Variants in POT1 observed in about 807,000 individuals in gnomAD.
POT1 encodes protection of telomeres 1.
Under a neutral mutation model 78.5 loss-of-function variants are expected in POT1, and 47 were observed. The ratio of observed to expected loss-of-function variants is 0.60; its 90% CI spans 0.47 to 0.76. The LOEUF (loss-of-function observed/expected upper bound fraction) is 0.76. Among genes scored for constraint, POT1 ranks in the 30% least tolerant of loss-of-function variants. The probability of loss-of-function intolerance (pLI) is 0.00; values close to 1 mark genes in which losing one functional copy is unlikely to be tolerated. For missense variants in POT1, 646 were observed against 749.9 expected, an observed-to-expected ratio of 0.86 and a Z score of 1.62; for synonymous variants, 259 against 260.7, an observed-to-expected ratio of 0.99 and a Z score of 0.06.
At position 124,881,744 on chromosome 7, in the gene POT1, C is replaced by T. The variant is rs970233063; in HGVS notation, c.124+10522G>A. Reference sequence around the variant, plus strand: ...GCCTTATTTTTTGCTCTTTCCCAAACGAAGGTACAAAGCTAAAGGTAATTT... The same window carrying T: ...GCCTTATTTTTTGCTCTTTCCCAAATGAAGGTACAAAGCTAAAGGTAATTT... On this transcript the variant is annotated intron_variant, in intron 6 of 18. Transcript: ENST00000357628. Among the ~76,000 whole-genome samples the T allele has an allele frequency of 7.2e-5, 11 of 152,032 alleles. No individual in the cohort carries two copies. In the South Asian group the frequency reaches 1.2e-3, roughly 17 times the overall value.
At chr7:124,897,916 G>A (rs1451584096) in intron 4 of POT1, among the ~76,000 whole-genome samples, 3 of 151,840 alleles carry the variant, frequency 2.0e-5, no homozygotes, top group African/African-American at 7.3e-5. Flanking sequence ...GAAAAAATCC[G>A]TTTTACCTAA....
chr7:124,920,565 A>C (rs1461098847), intron 2 of POT1, among the ~76,000 whole-genome samples: 1 of 152,206 alleles, frequency 6.6e-6, no homozygotes, highest in Non-Finnish European at 1.5e-5. Flanking sequence ...CCATTTAATA[A>C]AATTCAAAAA....
intron 6 of POT1, among the ~76,000 whole-genome samples, chr7:124,890,547 T>C (rs1461100124): frequency 2.0e-5 from 3 of 151,856 alleles, no homozygotes; most frequent in East Asian, 1.9e-4. Flanking sequence ...GAAGAGTCAA[T>C]TGATATGAGA....
In POT1 at chr7:124,851,542, G is replaced by A. The variant is rs530561654; in HGVS notation, c.949+330C>T. Among the ~76,000 whole-genome samples, 3 of 152,278 alleles carry A rather than the reference G, an allele frequency of 2.0e-5. No homozygotes were observed. The South Asian group carries it at 6.2e-4, about 32-fold the overall frequency. ...AAAGTATTTGGGTTATGCGAAATAA[G>A]TGGCAAAAACAATCTTTGTTCCCTT... On this transcript the variant is annotated intron_variant, in intron 11 of 18. Transcript: ENST00000357628.
chr7:124,835,111 G>A (rs1168694875), intron 15 of POT1, among the ~76,000 whole-genome samples, 168 bp downstream of exon 15: 1 of 152,164 alleles, frequency 6.6e-6, no homozygotes, highest in Non-Finnish European at 1.5e-5. Context: ...GAGGCTAGGG[G>A]AAGGACAGCA....
intron 6 of POT1, among the ~76,000 whole-genome samples, chr7:124,882,180 A>T (rs1345682246): frequency 1.3e-5 from 2 of 152,012 alleles, no homozygotes; most frequent in Non-Finnish European, 2.9e-5. Context: ...CATAAATTAC[A>T]CAATCCAGAA....
At chr7:124,888,894 C>CCT (rs35975144) in intron 6 of POT1, among the ~76,000 whole-genome samples, 90,906 of 151,362 alleles carry the variant, frequency 0.6, 27,408 homozygotes, top group African/African-American at 0.65. Context: ...CTGTCATTCC[C>CCT]CTCTCCCTCT....
At chr7:124,875,556 A>C (rs1584780774) in intron 6 of POT1, among the ~76,000 whole-genome samples, 1 of 152,296 alleles carries the variant, frequency 6.6e-6, no homozygotes, top group South Asian at 2.1e-4. Flanking sequence ...TGATGGAGGA[A>C]GTCATTTAAC....
At chr7:124,836,379 A>T (rs1307377515) in intron 14 of POT1, among the ~76,000 whole-genome samples, 2 of 152,104 alleles carry the variant, frequency 1.3e-5, no homozygotes, top group African/African-American at 4.8e-5. Context: ...CTGCTATATC[A>T]TATTGCAGCT....
In POT1 at chr7:124,863,483, A is replaced by T; in HGVS notation, c.413T>A (p.Val138Asp). 6.2e-7 allele frequency: 1 copy of T among 1,613,996 alleles called. No homozygotes were observed. Among genetic ancestry groups the T allele is most frequent in the Non-Finnish European group, 8.5e-7 (1 of 1,179,908 alleles). Residue 138 changes from valine (V) to aspartate (D), a missense_variant, in exon 8 of 19, where the codon GTT becomes GAT. Coordinates refer to ENST00000357628, the MANE Select transcript of POT1 (RefSeq NM_015450.3). ...EDHKMVEALR[V>D]WASTHMSPSW... ...CGGTGACATATGAGTAGATGCCCAAACACGTAAGGCTTCTACCATTTTGTG... is the reference window on the plus strand; with the variant it reads ...CGGTGACATATGAGTAGATGCCCAATCACGTAAGGCTTCTACCATTTTGTG...
chr7:124,874,693 C>T lies in POT1; in HGVS notation c.125-3652G>A, dbSNP rs375543918. On this transcript the variant is annotated intron_variant, in intron 6 of 18. Transcript: ENST00000357628. Reference sequence around the variant, plus strand: ...GAGGTTGCAGTGAGCCGAGATCATGCCACTGCACTCCAGTCTGGATGATAG... The same window carrying T: ...GAGGTTGCAGTGAGCCGAGATCATGTCACTGCACTCCAGTCTGGATGATAG... Among the ~76,000 whole-genome samples the T allele has an allele frequency of 2.7e-4, 41 of 151,080 alleles. 1 individual carries two copies. The highest frequency in any genetic ancestry group is 9.2e-4 in the African/African-American group (38 of 41,180).
At chr7:124,852,265 A>G (rs1795329482) in intron 10 of POT1, among the ~76,000 whole-genome samples, 1 of 152,212 alleles carries the variant, frequency 6.6e-6, no homozygotes, top group Admixed American at 6.5e-5. Context: ...TATGATATTA[A>G]AAATCAGTGA....
At chr7:124,870,298 C>T (rs1022456025) in intron 7 of POT1, among the ~76,000 whole-genome samples, 1 of 151,718 alleles carries the variant, frequency 6.6e-6, no homozygotes, top group Non-Finnish European at 1.5e-5. Flanking sequence ...AAATAATAAT[C>T]CTTTGTATTT....
At chr7:124,837,214 G>A in intron 14 of POT1, 1 of 304,922 alleles carries the variant, frequency 3.3e-6, no homozygotes, top group Non-Finnish European at 6.5e-6. Context: ...GCTTACAGAA[G>A]AACTGTTATG....
intron 15 of POT1, 83 bp from the exon 16 acceptor site, chr7:124,829,425 G>A (rs752985011): frequency 7.4e-6 from 6 of 809,072 alleles, no homozygotes; most frequent in South Asian, 1.8e-5. Context: ...TCAAACATGT[G>A]TAGTTTTAAA....
chr7:124,825,640 C>T (rs1199499532), intron 17 of POT1, among the ~76,000 whole-genome samples: 1 of 151,938 alleles, frequency 6.6e-6, no homozygotes, highest in Non-Finnish European at 1.5e-5. Flanking sequence ...TGACTATTCT[C>T]TTTGTGCATA....
At chr7:124,876,349 GA>G (rs1795990313) in intron 6 of POT1, among the ~76,000 whole-genome samples, 2 of 152,056 alleles carry the variant, frequency 1.3e-5, no homozygotes, top group South Asian at 4.1e-4. Context: ...AAAAGGTCTG[GA>G]CTCATATAGT....
chr7:124,928,531 G>A (rs115276102), intron 2 of POT1, among the ~76,000 whole-genome samples: 154 of 152,288 alleles, frequency 1.0e-3, no homozygotes, highest in African/African-American at 3.6e-3. Flanking sequence ...TGGAGATCAG[G>A]TGATTGATCT....
chr7:124,923,397 A>G (rs925004927), intron 2 of POT1, among the ~76,000 whole-genome samples: 1 of 151,856 alleles, frequency 6.6e-6, no homozygotes, highest in Non-Finnish European at 1.5e-5. Flanking sequence ...AAAAGATTCA[A>G]TAACAGATTA....
Sources: allele counts gnomAD v4.1 joint callset (sites outside exome capture counted in the v4.1 genomes callset), GRCh38; gene constraint gnomAD v4.1.1; transcripts MANE v1.5; gene names NCBI Gene and HGNC (gene_info 2026-07-23, HGNC 2026-07-21).